Variants in ABCB1 observed in about 807,000 individuals in gnomAD.
ABCB1 encodes ATP-dependent translocase ABCB1.
ABCB1 carries 69 observed loss-of-function variants against 142.0 expected under a neutral mutation model. That is an observed-to-expected ratio of 0.49 (90% CI 0.40 to 0.59). The LOEUF is 0.59. Ranked by LOEUF, ABCB1 falls within the 20% of genes least tolerant of loss-of-function variation. ABCB1 has a pLI of 0.00. For synonymous variants in ABCB1, 532 were observed against 539.2 expected, an observed-to-expected ratio of 0.99 and a Z score of 0.18; for missense variants, 1,326 against 1,554.7, an observed-to-expected ratio of 0.85 and a Z score of 2.47.
chr7:87,604,332 T>C (rs1295149041), upstream of ABCB1, among the ~76,000 whole-genome samples: 1 of 152,096 alleles, frequency 6.6e-6, no homozygotes. Context: ...CTCACCTCAA[T>C]GAAGTTAATT....
intron 15 of ABCB1, among the ~76,000 whole-genome samples, chr7:87,545,653 C>A (rs1432216229): frequency 1.3e-5 from 2 of 152,148 alleles, no homozygotes; most frequent in Admixed American, 6.5e-5. Context: ...ACCTTGAAAC[C>A]TTTTAATTTT....
chr7:87,592,675 C>G (rs542380131), intron 3 of ABCB1, among the ~76,000 whole-genome samples: 19 of 152,338 alleles, frequency 1.2e-4, no homozygotes, highest in African/African-American at 4.6e-4. Context: ...CATTACTTAA[C>G]TTCTCTAAGT....
chr7:87,565,447 C>T (rs2129803975), intron 7 of ABCB1: 1 of 455,282 alleles, frequency 2.2e-6, no homozygotes, highest in African/African-American at 2.0e-5. Context: ...GAGAGGGCCA[C>T]TTCTACCTCT....
intron 14 of ABCB1, 26 bp downstream of exon 14, chr7:87,549,322 G>C: frequency 6.2e-7 from 1 of 1,614,006 alleles, no homozygotes; most frequent in Non-Finnish European, 8.5e-7. Context: ...TATAAATCAG[G>C]TTGGTTTGAA....
chr7:87,576,549 A>G (rs1304418469), intron 4 of ABCB1, among the ~76,000 whole-genome samples: 6 of 151,510 alleles, frequency 4.0e-5, no homozygotes, highest in Admixed American at 2.6e-4. Context: ...AGCTCCAAGA[A>G]CAAGACCCAG....
chr7:87,504,442 T>C lies in ABCB1; in HGVS notation c.3644A>G (p.Gln1215Arg). Residue 1215 changes from glutamine to arginine, a missense_variant, in exon 28 of 28, where the codon CAA (glutamine) becomes CGA (arginine). Gln to Arg is a conservative substitution (Grantham distance 43, BLOSUM62 1). Coordinates refer to ENST00000622132, the MANE Select transcript of ABCB1 (RefSeq NM_001348946.2). ...TTCTCTGGCTTTGTCCAGGGCTTCTTGGACAACCTATTCCATAATCACATA... is the reference window on the plus strand; with the variant it reads ...TTCTCTGGCTTTGTCCAGGGCTTCTCGGACAACCTATTCCATAATCACATA... ...ALDTESEKVV[Q>R]EALDKAREGR... The C allele has an allele frequency of 1.9e-6, 3 of 1,614,114 alleles. No homozygotes were observed. The highest frequency in any genetic ancestry group is 1.7e-6 in the Non-Finnish European group (2 of 1,179,954).
chr7:87,548,020 AAAGAAAAGATAAGATAAGAT>A (rs1477867464), intron 14 of ABCB1, among the ~76,000 whole-genome samples: 1 of 149,794 alleles, frequency 6.7e-6, no homozygotes, highest in Non-Finnish European at 1.5e-5. Flanking sequence ...AGAAACAAGA[AAAGAAAAGATAAGATAAGAT>A]AAGAAAAGAA....
chr7:87,557,252 T>C (rs1817349484), intron 8 of ABCB1, among the ~76,000 whole-genome samples: 1 of 152,220 alleles, frequency 6.6e-6, no homozygotes, highest in South Asian at 2.1e-4. Flanking sequence ...ATAACCTCTG[T>C]TTCTGATTCA....
In ABCB1 at chr7:87,515,202, A is replaced by G. The variant is rs1235235406; in HGVS notation, c.3282+29T>C. 3.7e-6 allele frequency: 6 copies of G among 1,611,688 alleles called. No homozygotes were observed. In the Admixed American group the frequency reaches 6.7e-5, roughly 18 times the overall value. ...CAGACATTTGGATGATGAAAACCTG[A>G]ACTGAGCTAAATGTGAAAGTGTGCT... On this transcript the variant is annotated intron_variant, in intron 25 of 27. Coordinates refer to ENST00000622132, the MANE Select transcript of ABCB1 (RefSeq NM_001348946.2).
chr7:87,547,326 G>A (rs907461788), intron 14 of ABCB1, among the ~76,000 whole-genome samples: 1 of 152,220 alleles, frequency 6.6e-6, no homozygotes, highest in Middle Eastern at 3.4e-3. Context: ...GGGGTATGTG[G>A]AATTTCCCCT....
Position 87,625,658 on chromosome 7 carries a change from T to C in ABCB1, c.-330-24580A>G, listed in dbSNP as rs375983947. Among the ~76,000 whole-genome samples, 21 of 152,316 alleles carry C rather than the reference T, an allele frequency of 1.4e-4. No homozygotes were observed. In the East Asian group the frequency reaches 2.9e-3, roughly 21 times the overall value. On this transcript the variant is annotated intron_variant, in intron 1 of 28. Transcript: ENST00000265724. ...ACTGCCTGCATAACCAGTGCATCTG[T>C]TTCCTGATGGCTACTTCTGAATCCA...
chr7:87,551,631 C>G (rs1349919144), intron 9 of ABCB1, among the ~76,000 whole-genome samples: 1 of 151,244 alleles, frequency 6.6e-6, no homozygotes, highest in East Asian at 1.9e-4. Flanking sequence ...GCTGGGACTA[C>G]AGACAAGTGC....
intron 1 of ABCB1, among the ~76,000 whole-genome samples, chr7:87,645,546 A>G (rs1822915318): frequency 6.6e-6 from 1 of 152,176 alleles, no homozygotes; most frequent in Admixed American, 6.5e-5. Flanking sequence ...AAAAGCTGTT[A>G]CTTAGACTTG....
At chr7:87,697,692 A>G (rs895195141) in intron 1 of ABCB1, among the ~76,000 whole-genome samples, 10 of 152,212 alleles carry the variant, frequency 6.6e-5, no homozygotes, top group African/African-American at 2.4e-4. Flanking sequence ...TGAATTTAGT[A>G]TGCACTAGAC....
intron 1 of ABCB1, among the ~76,000 whole-genome samples, chr7:87,699,726 A>G (rs976630359): frequency 3.3e-5 from 5 of 152,226 alleles, no homozygotes; most frequent in African/African-American, 1.2e-4. Flanking sequence ...TAATACTAAT[A>G]TAACCTATGC....
In ABCB1 at chr7:87,597,481, GA is replaced by G. The variant is rs968403581; in HGVS notation, c.69-1668del. Among the ~76,000 whole-genome samples, 208 of 149,334 alleles carry G rather than the reference GA, an allele frequency of 1.4e-3. 2 individuals carry two copies. In the South Asian group the frequency reaches 0.016, roughly 12 times the overall value. On this transcript the variant is annotated intron_variant, in intron 2 of 27. Transcript: ENST00000622132. The stretch of plus-strand genomic sequence containing the variant: ...TACTTTAAAATATAATCTCTAATTT[GA>G]AAAAAAAAGTCTATAGGCCATGATA...
At chr7:87,676,886 A>G (rs1283993692) in intron 1 of ABCB1, among the ~76,000 whole-genome samples, 1 of 152,018 alleles carries the variant, frequency 6.6e-6, no homozygotes, top group African/African-American at 2.4e-5. Context: ...CGATATCACT[A>G]CTCATCAGAG....
intron 27 of ABCB1, 130 bp from the exon 28 acceptor site, chr7:87,504,579 C>T (rs1008220115): frequency 8.2e-5 from 100 of 1,218,924 alleles, no homozygotes; most frequent in Admixed American, 2.8e-4. Flanking sequence ...GAGGCCAAGG[C>T]GGGCAGATCA....
Position 87,531,433 on chromosome 7 carries a change from A to G in ABCB1, c.2546T>C (p.Ile849Thr). The change falls in exon 21 of 28, where the codon ATA (isoleucine) becomes ACA (threonine). Residue 849 changes from isoleucine (I) to threonine (T), a missense_variant. Ile to Thr is a moderately conservative substitution (Grantham distance 89, BLOSUM62 -1). Transcript: ENST00000622132. ...NIANLGTGII[I>T]SFIYGWQLTL... ...TAGTTGCCAACCATAGATGAAGGAT[A>G]TAATTATTCCTGTCCCAAGATTTGC... The G allele has an allele frequency of 1.2e-6, 2 of 1,613,532 alleles. No homozygotes were observed. Among genetic ancestry groups the G allele is most frequent in the South Asian group, 2.2e-5 (2 of 91,080 alleles).
Sources: gnomAD v4.1 joint callset for allele counts (sites outside exome capture counted in the v4.1 genomes callset) on GRCh38, gnomAD v4.1.1 for gene constraint, MANE v1.5 for transcripts, NCBI Gene and HGNC (gene_info 2026-07-23, HGNC 2026-07-21) for gene names.